HERC1: variants seen among roughly 807,000 people sequenced by gnomAD.
HERC1 encodes the protein probable E3 ubiquitin-protein ligase HERC1.
In HERC1, 160 loss-of-function variants were observed where a neutral mutation model predicts 554.3. That is an observed-to-expected ratio of 0.29 (90% confidence interval 0.25 to 0.33). HERC1 has a LOEUF of 0.33. Among genes scored for constraint, HERC1 ranks in the 10% least tolerant of loss-of-function variants. The pLI is 1.00. For synonymous variants in HERC1, 2,175 were observed against 2,131.7 expected (o/e 1.02, Z -0.56); for missense variants, 4,919 against 5,918.5 (o/e 0.83, Z 5.54).
chr15:63,675,031 C>T lies in HERC1; in HGVS notation c.7157G>A (p.Arg2386Gln), dbSNP rs564349063. The change falls in exon 38 of 78, where the codon CGA (arginine) becomes CAA (glutamine). Residue 2386 changes from arginine to glutamine, a missense_variant. Physicochemically the swap from Arg to Gln is conservative, Grantham distance 43. This residue lies in a region of HERC1 where 1,963 missense variants were observed against 2,228.6 expected (regional missense o/e 0.88). Transcript: ENST00000443617. ...CAGCAGCACAGAAGCCGTCAGGCCTCGGAATCGCGCCACATCAAACGGCAA... is the reference window on the plus strand; with the variant it reads ...CAGCAGCACAGAAGCCGTCAGGCCTTGGAATCGCGCCACATCAAACGGCAA... ...EPLPFDVARF[R>Q]GLTASVLLDL... 9.9e-6 allele frequency: 16 copies of T among 1,613,946 alleles called. No homozygotes were observed. In the Admixed American group the frequency reaches 1.8e-4, roughly 18 times the overall value.
intron 1 of HERC1, among the ~76,000 whole-genome samples, chr15:63,824,920 A>T (rs1265047775): frequency 6.6e-6 from 1 of 152,056 alleles, no homozygotes; most frequent in Non-Finnish European, 1.5e-5. Context: ...ATAGAAACAG[A>T]GACTAGAACA....
chr15:63,628,954 T>G (rs2068426987), intron 69 of HERC1, 139 bp from the exon 70 acceptor site: 1 of 32,778 alleles, frequency 3.1e-5, no homozygotes, highest in Non-Finnish European at 7.0e-5. Context: ...AAACACATTC[T>G]TTTTTTTTTT....
At chr15:63,824,106 G>A (rs1470055038) in intron 1 of HERC1, among the ~76,000 whole-genome samples, 1 of 152,144 alleles carries the variant, frequency 6.6e-6, no homozygotes, top group Non-Finnish European at 1.5e-5. Context: ...CCTGACACCT[G>A]TGAGGATGGC....
intron 1 of HERC1, among the ~76,000 whole-genome samples, chr15:63,820,671 A>G (rs1038559897): frequency 2.0e-5 from 3 of 152,026 alleles, no homozygotes; most frequent in African/African-American, 7.3e-5. Flanking sequence ...ATCAAAAGCA[A>G]CAGAGACGTT....
intron 1 of HERC1, among the ~76,000 whole-genome samples, chr15:63,822,707 G>A (rs904593541): frequency 5.3e-5 from 8 of 152,088 alleles, no homozygotes; most frequent in Admixed American, 4.6e-4. Context: ...GCCTATAAGA[G>A]GTCAAGTGAG....
chr15:63,807,801 C>T (rs180752092), intron 1 of HERC1, among the ~76,000 whole-genome samples: 9 of 152,238 alleles, frequency 5.9e-5, no homozygotes, highest in Admixed American at 4.6e-4. Flanking sequence ...TGTGCCCCCA[C>T]TCATGCTGTT....
At chr15:63,789,788 C>T (rs928123336) in intron 1 of HERC1, among the ~76,000 whole-genome samples, 3 of 118,726 alleles carry the variant, frequency 2.5e-5, no homozygotes, top group South Asian at 2.8e-4. Flanking sequence ...GGCGACCAAG[C>T]GAGCCCTGTC....
At chr15:63,623,617 C>T (rs1191349253) in intron 73 of HERC1, 108 bp downstream of exon 73, 3 of 1,056,466 alleles carry the variant, frequency 2.8e-6, no homozygotes, top group Admixed American at 2.0e-5. Context: ...CTCACAAATG[C>T]ATCCTTGCTA....
chr15:63,729,567 T>C lies in HERC1; in HGVS notation c.2951A>G (p.His984Arg), dbSNP rs1300389471. 6.2e-7 allele frequency: 1 copy of C among 1,613,854 alleles called. No homozygotes were observed. ...TSSSENSQPA[H>R]LHELLCSLQK... Reference sequence around the variant, plus strand: ...TAGTGAACATAGCAGTTCATGAAGATGAGCAGGCTGACTGTTTTCTGATGA... The same window carrying C: ...TAGTGAACATAGCAGTTCATGAAGACGAGCAGGCTGACTGTTTTCTGATGA... The change falls in exon 15 of 78, where the codon CAT becomes CGT. Residue 984 changes from histidine (H) to arginine (R), a missense_variant. By Grantham distance (29) the His-to-Arg change is conservative. Coordinates refer to ENST00000443617, the MANE Select transcript of HERC1 (RefSeq NM_003922.4).
intron 77 of HERC1, among the ~76,000 whole-genome samples, chr15:63,611,151 T>TA (rs1363479153): frequency 6.6e-6 from 1 of 152,156 alleles, no homozygotes; most frequent in African/African-American, 2.4e-5. Flanking sequence ...CACAGAATTT[T>TA]AAAAACAGCC....
intron 46 of HERC1, among the ~76,000 whole-genome samples, chr15:63,660,254 T>C (rs1182896406): frequency 6.6e-6 from 1 of 152,038 alleles, no homozygotes; most frequent in Non-Finnish European, 1.5e-5. Context: ...TGGGAGGCCG[T>C]GGCTGCAGTA....
rs1012788096 is a variant in HERC1, at chr15:63,727,734, C to G, written c.3259G>C (p.Asp1087His). Residue 1087 changes from aspartate (D) to histidine (H), a missense_variant, in exon 17 of 78, where the codon GAC (aspartate) becomes CAC (histidine). Physicochemically the swap from Asp to His is moderately conservative, Grantham distance 81. Around this residue, in one of 11 missense-constraint regions of HERC1, gnomAD observed 1,121 missense variants for 1,244.0 expected, o/e 0.90. Transcript: ENST00000443617. This position sits in a 1 kb window ranked among gnomAD's most constrained non-coding sequence, Gnocchi z 4.3. ...VARPLLSYLLDLLPPLDCLNR... is the reference protein window; with the variant it reads ...VARPLLSYLLHLLPPLDCLNR... ...AGGCAATCAAGAGGTGGCAACAAGT[C>G]GAGGAGGTAACTCAATAAAGGCCGA... 1 of 1,613,766 alleles carries G rather than the reference C, an allele frequency of 6.2e-7. No individual in the cohort carries two copies. The highest frequency in any genetic ancestry group is 8.5e-7 in the Non-Finnish European group (1 of 1,179,844).
At chr15:63,783,480 A>C (rs939903931) in intron 1 of HERC1, among the ~76,000 whole-genome samples, 7 of 152,258 alleles carry the variant, frequency 4.6e-5, no homozygotes, top group African/African-American at 1.7e-4. Flanking sequence ...TACACTTAAC[A>C]GACTACAGTA....
chr15:63,637,766 A>T, intron 63 of HERC1, 123 bp from the exon 64 acceptor site: 1 of 662,168 alleles, frequency 1.5e-6, no homozygotes, highest in Non-Finnish European at 2.4e-6. Context: ...TTTTACTGAA[A>T]GGGAAGAGTT....
chr15:63,679,003 A>G (rs2414826), intron 36 of HERC1, among the ~76,000 whole-genome samples: 124,037 of 152,242 alleles, frequency 0.81, 52,410 homozygotes, highest in Non-Finnish European at 0.88. Flanking sequence ...TGCCAGTCAC[A>G]CTGTAAATGT....
chr15:63,725,617 A>T lies in HERC1; in HGVS notation c.3347-104T>A, dbSNP rs1475295438. ...TACTGCAATAAGATACTGATGCAAAATATTTTATGATGAAAACACAAATTA... is the reference window on the plus strand; with the variant it reads ...TACTGCAATAAGATACTGATGCAAATTATTTTATGATGAAAACACAAATTA... On this transcript the variant is annotated intron_variant, in intron 17 of 77. Transcript: ENST00000443617. 7 of 796,442 alleles carry T rather than the reference A, an allele frequency of 8.8e-6. No individual in the cohort carries two copies. In the East Asian group the frequency reaches 1.8e-4, roughly 20 times the overall value. 49.3% of individuals were successfully genotyped at this position (796,442 alleles called of 1,614,324 possible). A position where few individuals can be genotyped will look rare whatever the true frequency, so the allele number is the denominator to read the frequency against.
At position 63,723,299 on chromosome 15, in the gene HERC1, G is replaced by A; in HGVS notation, c.3625C>T (p.Pro1209Ser). The A allele has an allele frequency of 6.3e-7, 1 of 1,596,250 alleles. No individual in the cohort carries two copies. Among genetic ancestry groups the A allele is most frequent in the Admixed American group, 1.7e-5 (1 of 57,510 alleles). ...TCAGGCCGCAATTTATAATCAAAAG[G>A]CTTCTGTTCTTCATTTCCAGAAAGT... The part of the protein sequence containing the change: ...VALSGNEEQK[P>S]FDYKLRPEIA... The change falls in exon 19 of 78, where the codon CCT (proline) becomes TCT (serine). Residue 1209 changes from proline to serine, a missense_variant. Transcript: ENST00000443617.
chr15:63,718,461 T>G lies in HERC1; in HGVS notation c.3978+113A>C. The stretch of plus-strand genomic sequence containing the variant: ...CTGCTAGGAAAAGAACTACTCAACA[T>G]GTATTGAACATATGCAATAACCAAG... On this transcript the variant is annotated intron_variant, in intron 21 of 77. Coordinates refer to ENST00000443617, the MANE Select transcript of HERC1 (RefSeq NM_003922.4). The surrounding 1 kb of genome is among the most constrained non-coding windows in gnomAD (Gnocchi z 4.2). 1 of 896,934 alleles carries G rather than the reference T, an allele frequency of 1.1e-6. No individual in the cohort carries two copies. Among genetic ancestry groups the G allele is most frequent in the Non-Finnish European group, 1.6e-6 (1 of 621,904 alleles). The allele number at this position is 896,934 out of a possible 1,614,324, so 55.6% of individuals were successfully genotyped here. A position where few individuals can be genotyped will look rare whatever the true frequency, so the allele number is the denominator to read the frequency against.
At chr15:63,633,347 A>G (rs2068643796) in intron 67 of HERC1, among the ~76,000 whole-genome samples, 1 of 152,236 alleles carries the variant, frequency 6.6e-6, no homozygotes, top group Non-Finnish European at 1.5e-5. Flanking sequence ...ACAATCACAT[A>G]GAAGGACTTC....
Sources: allele counts gnomAD v4.1 joint callset (sites outside exome capture counted in the v4.1 genomes callset), GRCh38; gene constraint gnomAD v4.1.1; regional missense constraint gnomAD v4.1.1; non-coding constraint Gnocchi (gnomAD v3.1); transcripts MANE v1.5; gene names NCBI Gene and HGNC (gene_info 2026-07-23, HGNC 2026-07-21).